The following SGK3 variants were observed in gnomAD, a reference collection of about 807,000 sequenced individuals.
The protein encoded by SGK3 is serine/threonine-protein kinase Sgk3.
A neutral mutation model predicts 68.5 loss-of-function variants in SGK3; 47 were observed. The observed-to-expected ratio is 0.69, with a 90% CI of 0.54 to 0.87. The LOEUF (loss-of-function observed/expected upper bound fraction) is 0.87, where lower values mean the gene tolerates loss of function less well. Among genes scored for constraint, SGK3 ranks in the 40% least tolerant of loss-of-function variants. The pLI is 0.00. For synonymous variants in SGK3, 181 were observed against 189.1 expected, an observed-to-expected ratio of 0.96 and a Z score of 0.35; for missense variants, 479 against 575.5, an observed-to-expected ratio of 0.83 and a Z score of 1.72.
At chr8:66,854,083 T>A (rs917459265) in intron 16 of SGK3, among the ~76,000 whole-genome samples, 5 of 152,206 alleles carry the variant, frequency 3.3e-5, no homozygotes, top group African/African-American at 1.2e-4. Context: ...CAGGTTTTGA[T>A]CCTTGCCTCC....
At chr8:66,838,776 G>A (rs1248390683) in intron 10 of SGK3, among the ~76,000 whole-genome samples, 2 of 152,162 alleles carry the variant, frequency 1.3e-5, no homozygotes, top group African/African-American at 4.8e-5. Context: ...GGTTAAAGAT[G>A]AGGAGAAAGG....
chr8:66,729,355 C>G (rs188927662), intron 1 of SGK3, among the ~76,000 whole-genome samples: 2,889 of 151,854 alleles, frequency 0.019, 63 homozygotes, highest in South Asian at 0.043. Flanking sequence ...ACTCGGGAGG[C>G]TGAGGCACGA....
intron 1 of SGK3, among the ~76,000 whole-genome samples, chr8:66,729,370 GGCGTGAAC>G (rs1380005125): frequency 6.6e-6 from 1 of 152,014 alleles, no homozygotes; most frequent in Admixed American, 6.6e-5. Context: ...GCACGAGAAT[GGCGTGAAC>G]CAGGGAGGTG....
chr8:66,833,877 G>T (rs1809402092), intron 8 of SGK3, among the ~76,000 whole-genome samples: 1 of 152,034 alleles, frequency 6.6e-6, no homozygotes. Context: ...TATTAGTAGA[G>T]ACAGGGTTTT....
chr8:66,802,743 G>T (rs950850781), intron 3 of SGK3, among the ~76,000 whole-genome samples: 1 of 151,710 alleles, frequency 6.6e-6, no homozygotes, highest in African/African-American at 2.4e-5. Context: ...AGGAAGGCAG[G>T]TAGGAAGGAA....
chr8:66,726,107 T>A (rs1047757497), intron 1 of SGK3, among the ~76,000 whole-genome samples: 1 of 152,194 alleles, frequency 6.6e-6, no homozygotes, highest in Non-Finnish European at 1.5e-5. Context: ...TTCATCAGGA[T>A]TTTTGTAGTT....
chr8:66,829,590 A>G (rs971665282), intron 7 of SGK3, among the ~76,000 whole-genome samples: 1 of 152,206 alleles, frequency 6.6e-6, no homozygotes, highest in African/African-American at 2.4e-5. Flanking sequence ...AGTAAGATGA[A>G]GATTGAAAAT....
intron 1 of SGK3, among the ~76,000 whole-genome samples, chr8:66,750,822 T>G (rs190693567): frequency 6.0e-5 from 9 of 150,208 alleles, no homozygotes; most frequent in Admixed American, 2.0e-4. Flanking sequence ...CTGGACAACA[T>G]GGCAAAACCC....
At chr8:66,819,688 A>G (rs1428433361) in intron 5 of SGK3, among the ~76,000 whole-genome samples, 3 of 152,236 alleles carry the variant, frequency 2.0e-5, no homozygotes, top group Non-Finnish European at 2.9e-5. Flanking sequence ...TCCATGTGGT[A>G]AGATTGAAAA....
intron 1 of SGK3, among the ~76,000 whole-genome samples, chr8:66,781,273 G>C (rs923849243): frequency 6.6e-6 from 1 of 152,322 alleles, no homozygotes; most frequent in East Asian, 1.9e-4. Context: ...TCTACCAGTC[G>C]GTTCTGGACC....
rs189621437 is a variant in SGK3, at chr8:66,822,468, A to G, written c.417+9A>G. On this transcript the variant is annotated intron_variant, in intron 6 of 16. Coordinates refer to ENST00000521198, the MANE Select transcript of SGK3 (RefSeq NM_001033578.3). ...AAAGAAGTTCTCAGAAGGTAGTAAG[A>G]GGAATTGCCTTTCTTAATAGAAAAA... 1.2e-6 allele frequency: 2 copies of G among 1,609,358 alleles called. No individual in the cohort carries two copies. The highest frequency in any genetic ancestry group is 2.2e-5 in the East Asian group (1 of 44,698).
At chr8:66,811,177 A>G (rs1259483359) in intron 4 of SGK3, among the ~76,000 whole-genome samples, 1 of 152,098 alleles carries the variant, frequency 6.6e-6, no homozygotes, top group Non-Finnish European at 1.5e-5. Flanking sequence ...CGCCACAGCT[A>G]GCTAATTTTT....
intron 15 of SGK3, among the ~76,000 whole-genome samples, chr8:66,848,394 C>T (rs965136658): frequency 6.6e-6 from 1 of 152,170 alleles, no homozygotes; most frequent in Non-Finnish European, 1.5e-5. Flanking sequence ...TACTCTCTTC[C>T]TCTCTGTATT....
intron 1 of SGK3, among the ~76,000 whole-genome samples, chr8:66,747,187 A>G (rs1220052387): frequency 2.0e-5 from 3 of 152,186 alleles, no homozygotes; most frequent in Admixed American, 2.0e-4. Context: ...AATTCAAAGC[A>G]TGCTGAATGT....
chr8:66,848,671 G>A (rs1810137224), intron 15 of SGK3, among the ~76,000 whole-genome samples: 1 of 152,034 alleles, frequency 6.6e-6, no homozygotes, highest in African/African-American at 2.4e-5. Flanking sequence ...TGTTTGTTTT[G>A]CACAAATAAC....
At chr8:66,797,010 T>TAA (rs1241455616) in intron 2 of SGK3, among the ~76,000 whole-genome samples, 2 of 152,192 alleles carry the variant, frequency 1.3e-5, no homozygotes, top group Non-Finnish European at 2.9e-5. Flanking sequence ...GTCTACTGTT[T>TAA]TATTAGTACA....
chr8:66,806,199 T>C (rs1453016030), intron 4 of SGK3, among the ~76,000 whole-genome samples: 2 of 152,182 alleles, frequency 1.3e-5, no homozygotes, highest in Non-Finnish European at 2.9e-5. Context: ...TTCTTTCTTT[T>C]TTTTCCCCCC....
At chr8:66,821,152 A>T (rs1362376663) in intron 5 of SGK3, among the ~76,000 whole-genome samples, 1 of 152,064 alleles carries the variant, frequency 6.6e-6, no homozygotes, top group African/African-American at 2.4e-5. Flanking sequence ...TCATGAGTCC[A>T]TCTGTGGGCC....
intron 15 of SGK3, among the ~76,000 whole-genome samples, chr8:66,849,752 CTG>C (rs1460850059): frequency 6.6e-6 from 1 of 152,004 alleles, no homozygotes; most frequent in Admixed American, 6.6e-5. Context: ...TGCCACCACA[CTG>C]TTTTGTAGAG....
Sources: gnomAD v4.1 joint callset for allele counts (sites outside exome capture counted in the v4.1 genomes callset) on GRCh38, gnomAD v4.1.1 for gene constraint, MANE v1.5 for transcripts, NCBI Gene and HGNC (gene_info 2026-07-23, HGNC 2026-07-21) for gene names.